Variants in TMEM108 observed in about 807,000 individuals in gnomAD.
TMEM108 encodes transmembrane protein 108, also known as cancer/testis antigen 124.
A neutral mutation model predicts 35.1 loss-of-function variants in TMEM108; 12 were observed. The ratio of observed to expected loss-of-function variants is 0.34; its 90% CI spans 0.22 to 0.55. TMEM108 has a LOEUF of 0.55. TMEM108 is among the 20% of genes least tolerant of loss of function. The pLI, the probability that TMEM108 is intolerant of heterozygous loss-of-function variation, is 0.89. For synonymous variants in TMEM108, 287 were observed against 308.6 expected, an observed-to-expected ratio of 0.93 and a Z score of 0.73; for missense variants, 680 against 753.3, an observed-to-expected ratio of 0.90 and a Z score of 1.14.
At chr3:133,049,083 C>T (rs1339783985) in intron 2 of TMEM108, among the ~76,000 whole-genome samples, 1 of 152,166 alleles carries the variant, frequency 6.6e-6, no homozygotes, top group East Asian at 1.9e-4. Context: ...TTAGTGGTTT[C>T]TGACGTAGTT....
intron 2 of TMEM108, among the ~76,000 whole-genome samples, chr3:133,211,695 C>G (rs1177619437): frequency 1.3e-5 from 2 of 152,118 alleles, no homozygotes; most frequent in Non-Finnish European, 2.9e-5. Flanking sequence ...ATTTTTACCC[C>G]ATTGCTGACC....
At position 133,328,732 on chromosome 3, in the gene TMEM108, G is replaced by T. The variant is rs151048015; in HGVS notation, c.41-51020G>T. 3.3e-3 allele frequency among the ~76,000 whole-genome samples: 495 copies of T among 152,288 alleles called. 6 individuals carry two copies. Among genetic ancestry groups the T allele is most frequent in the African/African-American group, 0.011 (464 of 41,548 alleles). ...GCTGCAGACAGAATCCATCCCCAGAGAACAGTGGATGGTGGAACCACATGT... is the reference window on the plus strand; with the variant it reads ...GCTGCAGACAGAATCCATCCCCAGATAACAGTGGATGGTGGAACCACATGT... On this transcript the variant is annotated intron_variant, in intron 3 of 5. Transcript: ENST00000321871.
At chr3:133,178,977 C>T (rs1474279926) in intron 2 of TMEM108, among the ~76,000 whole-genome samples, 1 of 152,014 alleles carries the variant, frequency 6.6e-6, no homozygotes, top group Non-Finnish European at 1.5e-5. Context: ...AAAACAACCC[C>T]ATCAAAAAGT....
intron 2 of TMEM108, among the ~76,000 whole-genome samples, chr3:133,138,570 G>A (rs1944597680): frequency 1.3e-5 from 2 of 151,852 alleles, no homozygotes; most frequent in South Asian, 2.1e-4. Context: ...AAGATAATTT[G>A]TCTTCTTCGA....
At chr3:133,349,533 T>G (rs916600806) in intron 3 of TMEM108, among the ~76,000 whole-genome samples, 2 of 152,022 alleles carry the variant, frequency 1.3e-5, no homozygotes, top group African/African-American at 4.8e-5. Context: ...GAGAAAATAT[T>G]TGCAAATTAT....
chr3:133,382,844 G>T (rs541351087), intron 4 of TMEM108, among the ~76,000 whole-genome samples: 1 of 152,124 alleles, frequency 6.6e-6, no homozygotes, highest in East Asian at 1.9e-4. Flanking sequence ...TTCAGGAGCC[G>T]CCTCTCATAG....
At chr3:133,208,150 G>T (rs922134965) in intron 2 of TMEM108, among the ~76,000 whole-genome samples, 4 of 152,194 alleles carry the variant, frequency 2.6e-5, no homozygotes, top group Non-Finnish European at 5.9e-5. Flanking sequence ...TGGAGAGCTT[G>T]TTGAAGCACA....
intron 2 of TMEM108, among the ~76,000 whole-genome samples, chr3:133,133,533 A>G (rs189312087): frequency 2.2e-4 from 33 of 152,212 alleles, no homozygotes; most frequent in Admixed American, 6.5e-4. Flanking sequence ...GTAGTCTGAA[A>G]CTGGACCTGC....
chr3:133,172,055 A>G (rs1945137957), intron 2 of TMEM108, among the ~76,000 whole-genome samples: 1 of 152,234 alleles, frequency 6.6e-6, no homozygotes, highest in South Asian at 2.1e-4. Flanking sequence ...GATTATAATG[A>G]TAACCCATAC....
intron 2 of TMEM108, among the ~76,000 whole-genome samples, chr3:133,138,613 C>A (rs777279020): frequency 2.0e-5 from 3 of 152,020 alleles, no homozygotes; most frequent in Non-Finnish European, 4.4e-5. Flanking sequence ...GATTGGACAT[C>A]CCTGCCAAAG....
At chr3:133,356,993 A>C (rs908879793) in intron 3 of TMEM108, among the ~76,000 whole-genome samples, 3 of 152,216 alleles carry the variant, frequency 2.0e-5, no homozygotes, top group Non-Finnish European at 4.4e-5. Context: ...AAGCTTCTAC[A>C]CAGTAAAATA....
intron 2 of TMEM108, among the ~76,000 whole-genome samples, chr3:133,124,143 TC>T (rs1944386683): frequency 6.6e-6 from 1 of 152,208 alleles, no homozygotes; most frequent in Non-Finnish European, 1.5e-5. Flanking sequence ...TATAGATACT[TC>T]AAGTATTCTT....
chr3:133,341,895 A>G (rs1230320215), intron 3 of TMEM108, among the ~76,000 whole-genome samples: 1 of 151,964 alleles, frequency 6.6e-6, no homozygotes, highest in Non-Finnish European at 1.5e-5. Context: ...AAATGGATTT[A>G]AAACCTAAAT....
chr3:133,121,575 A>T (rs572794947), intron 2 of TMEM108, among the ~76,000 whole-genome samples: 1 of 152,340 alleles, frequency 6.6e-6, no homozygotes, highest in South Asian at 2.1e-4. Flanking sequence ...TCATCTGTCT[A>T]TGAAGGTGCT....
At position 133,380,421 on chromosome 3, in the gene TMEM108, C is replaced by A; in HGVS notation, c.710C>A (p.Pro237His). ...SVEPEPSTLT[P>H]RTPLWGYSSS... ...GAACCGGAGCCCTCTACCCTCACCC[C>A]CAGGACCCCACTCTGGGGCTACTCC... Residue 237 changes from proline to histidine, a missense_variant, in exon 4 of 6, where the codon CCC (proline) becomes CAC (histidine). This residue lies in a region of TMEM108 where 526 missense variants were observed against 532.1 expected (regional missense o/e 0.99). Transcript: ENST00000321871. The surrounding 1 kb of genome is among the most constrained non-coding windows in gnomAD (Gnocchi z 5.3). 1 of 1,613,640 alleles carries A rather than the reference C, an allele frequency of 6.2e-7. No individual in the cohort carries two copies. Among genetic ancestry groups the A allele is most frequent in the Non-Finnish European group, 8.5e-7 (1 of 1,179,712 alleles).
chr3:133,200,208 T>C (rs4574291), intron 2 of TMEM108, among the ~76,000 whole-genome samples: 119,149 of 152,110 alleles, frequency 0.78, 46,997 homozygotes, highest in East Asian at 0.95. Flanking sequence ...TTACCCCTTG[T>C]GCTTACCAGG....
At chr3:133,348,356 AAGTT>A (rs138403426) in intron 3 of TMEM108, among the ~76,000 whole-genome samples, 2,179 of 152,202 alleles carry the variant, frequency 0.014, 129 homozygotes, top group Admixed American at 0.098. Context: ...TGGAAAAAAT[AAGTT>A]AGAGCTTCAT....
intron 3 of TMEM108, among the ~76,000 whole-genome samples, chr3:133,349,180 C>T (rs928034497): frequency 8.6e-5 from 13 of 152,018 alleles, no homozygotes; most frequent in African/African-American, 3.1e-4. Flanking sequence ...CTATTTTTCC[C>T]CTTTAAGTTG....
intron 4 of TMEM108, among the ~76,000 whole-genome samples, chr3:133,384,954 C>G (rs1436396099): frequency 6.6e-6 from 1 of 152,228 alleles, no homozygotes; most frequent in Non-Finnish European, 1.5e-5. Context: ...CTCTCTCTGA[C>G]ACTAGACACT....
Sources: gnomAD v4.1 joint callset for allele counts (sites outside exome capture counted in the v4.1 genomes callset) on GRCh38, gnomAD v4.1.1 for gene constraint, gnomAD v4.1.1 regional missense constraint, Gnocchi (gnomAD v3.1) non-coding constraint, MANE v1.5 for transcripts, NCBI Gene and HGNC (gene_info 2026-07-23, HGNC 2026-07-21) for gene names.